The following GREB1L variants were observed in gnomAD, a reference collection of about 807,000 sequenced individuals.
The protein encoded by GREB1L is GREB1-like protein.
GREB1L carries 17 observed loss-of-function variants against 200.8 expected under a neutral mutation model. That is an observed-to-expected ratio of 0.08 (90% confidence interval 0.06 to 0.13). The LOEUF (loss-of-function observed/expected upper bound fraction) is 0.13. GREB1L is among the 10% of genes least tolerant of loss of function. The pLI is 1.00. For synonymous variants in GREB1L, 789 were observed against 893.0 expected, an observed-to-expected ratio of 0.88 and a Z score of 2.08; for missense variants, 1,657 against 2,367.7, an observed-to-expected ratio of 0.70 and a Z score of 6.23.
intron 1 of GREB1L, among the ~76,000 whole-genome samples, chr18:21,314,151 G>A (rs1372327703): frequency 6.6e-6 from 1 of 152,164 alleles, no homozygotes; most frequent in Non-Finnish European, 1.5e-5. Context: ...TCTGCTATTA[G>A]TGACTTTTCA....
chr18:21,363,298 CCCA>C (rs1013350897), intron 1 of GREB1L, among the ~76,000 whole-genome samples: 9 of 114,626 alleles, frequency 7.9e-5, no homozygotes, highest in African/African-American at 2.0e-4. Context: ...CCCCCCCCCC[CCCA>C]CACACACAAG....
chr18:21,259,910 A>G (rs2037862658), intron 1 of GREB1L, among the ~76,000 whole-genome samples: 1 of 151,588 alleles, frequency 6.6e-6, no homozygotes, highest in Non-Finnish European at 1.5e-5. Context: ...TGTTCAACTC[A>G]TATCCTTTTT....
intron 1 of GREB1L, among the ~76,000 whole-genome samples, chr18:21,253,881 G>A (rs1374032095): frequency 7.3e-6 from 1 of 137,236 alleles, no homozygotes; most frequent in Non-Finnish European, 1.5e-5. Context: ...GTGTCACCTA[G>A]GCTGGAGTGC....
At chr18:21,498,937 T>C (rs2036663998) in intron 21 of GREB1L, among the ~76,000 whole-genome samples, 1 of 152,232 alleles carries the variant, frequency 6.6e-6, no homozygotes, top group South Asian at 2.1e-4. Flanking sequence ...AGAGGGCCTT[T>C]AGTTGAGCTT....
chr18:21,487,902 T>A (rs1385582553), intron 18 of GREB1L, among the ~76,000 whole-genome samples: 1 of 151,120 alleles, frequency 6.6e-6, no homozygotes, highest in Non-Finnish European at 1.5e-5. Flanking sequence ...TCCCAGGTAC[T>A]TGGGAGGTTG....
intron 15 of GREB1L, among the ~76,000 whole-genome samples, chr18:21,459,251 CA>C (rs1214621640): frequency 6.6e-6 from 1 of 150,562 alleles, no homozygotes; most frequent in Middle Eastern, 3.2e-3. Flanking sequence ...AAGGCATTCC[CA>C]CTTTCTTTTC....
intron 1 of GREB1L, among the ~76,000 whole-genome samples, chr18:21,351,049 T>C (rs2143292972): frequency 6.6e-6 from 1 of 152,236 alleles, no homozygotes; most frequent in East Asian, 1.9e-4. Context: ...AAGATGGAAA[T>C]ATATATATTT....
chr18:21,464,114 C>T (rs1044251058), intron 15 of GREB1L, among the ~76,000 whole-genome samples: 1 of 152,086 alleles, frequency 6.6e-6, no homozygotes. Flanking sequence ...AATGCCTTCT[C>T]TACAGAAGAG....
chr18:21,494,262 T>C (rs2036458464), intron 19 of GREB1L, among the ~76,000 whole-genome samples: 1 of 152,210 alleles, frequency 6.6e-6, no homozygotes, highest in South Asian at 2.1e-4. Context: ...TTCCCCTTAG[T>C]ATGCACATAT....
intron 1 of GREB1L, among the ~76,000 whole-genome samples, chr18:21,280,277 G>A (rs2038246025): frequency 6.6e-6 from 1 of 152,104 alleles, no homozygotes; most frequent in African/African-American, 2.4e-5. Context: ...TTCCCAGAAT[G>A]TCATATAGTT....
At chr18:21,426,976 A>AC (rs2032652035) in intron 7 of GREB1L, among the ~76,000 whole-genome samples, 1 of 79,642 alleles carries the variant, frequency 1.3e-5, no homozygotes, top group African/African-American at 1.0e-4. Context: ...AAAAAAACAA[A>AC]AAAAAAAAAA....
chr18:21,429,145 TCCTCCCTTCCCTC>T (rs2032914892), intron 7 of GREB1L, among the ~76,000 whole-genome samples: 2 of 107,674 alleles, frequency 1.9e-5, no homozygotes, highest in Non-Finnish European at 3.7e-5. Context: ...CTTCCTTCCT[TCCTCCCTTCCCTC>T]CCTCCCTTCC....
intron 29 of GREB1L, among the ~76,000 whole-genome samples, chr18:21,516,085 T>A (rs1455948245): frequency 6.6e-6 from 1 of 152,190 alleles, no homozygotes; most frequent in African/African-American, 2.4e-5. Context: ...GAAATCCTAC[T>A]GTAGGGAAAA....
At position 21,414,549 on chromosome 18, in the gene GREB1L, C is replaced by G. The variant is rs188739009; in HGVS notation, c.832+10555C>G. 1.8e-3 allele frequency among the ~76,000 whole-genome samples: 271 copies of G among 152,250 alleles called. 1 individual carries two copies. Among genetic ancestry groups the G allele is most frequent in the African/African-American group, 6.1e-3 (254 of 41,538 alleles). ...GGCCAATACCTAATGTAGGCAAGTTCAAGATACAGGTAGATGATAACATAA... is the reference window on the plus strand; with the variant it reads ...GGCCAATACCTAATGTAGGCAAGTTGAAGATACAGGTAGATGATAACATAA... On this transcript the variant is annotated intron_variant, in intron 7 of 32. Coordinates refer to ENST00000424526, the MANE Select transcript of GREB1L (RefSeq NM_001142966.3).
intron 1 of GREB1L, among the ~76,000 whole-genome samples, chr18:21,321,787 G>A (rs538784195): frequency 1.1e-4 from 17 of 152,188 alleles, no homozygotes; most frequent in Non-Finnish European, 2.1e-4. Context: ...AATGGAAAAA[G>A]CATGTCGTTA....
At chr18:21,295,110 A>C (rs924250933) in intron 1 of GREB1L, among the ~76,000 whole-genome samples, 1 of 152,216 alleles carries the variant, frequency 6.6e-6, no homozygotes, top group African/African-American at 2.4e-5. Flanking sequence ...GGAAATTACT[A>C]AAAATGTCTC....
intron 1 of GREB1L, among the ~76,000 whole-genome samples, chr18:21,338,532 C>G (rs2039221709): frequency 6.6e-6 from 1 of 152,238 alleles, no homozygotes; most frequent in Non-Finnish European, 1.5e-5. Flanking sequence ...TCTACCACCA[C>G]CATCACTGTC....
intron 1 of GREB1L, among the ~76,000 whole-genome samples, chr18:21,324,996 T>C (rs1459449484): frequency 1.3e-5 from 2 of 151,772 alleles, no homozygotes; most frequent in Non-Finnish European, 2.9e-5. Flanking sequence ...TACCCAGGAT[T>C]GCCTTTTCAT....
intron 7 of GREB1L, among the ~76,000 whole-genome samples, chr18:21,407,730 AT>A (rs2030436047): frequency 6.6e-6 from 1 of 152,230 alleles, no homozygotes. Flanking sequence ...ACACTTCAAA[AT>A]TTTAAGGATA....
Sources: allele counts gnomAD v4.1 joint callset (sites outside exome capture counted in the v4.1 genomes callset), GRCh38; gene constraint gnomAD v4.1.1; transcripts MANE v1.5; gene names NCBI Gene and HGNC (gene_info 2026-07-23, HGNC 2026-07-21).